Variants in TMEM196 observed in about 807,000 individuals in gnomAD.
TMEM196 encodes the protein transmembrane protein 196.
In TMEM196, 17 loss-of-function variants were observed where a neutral mutation model predicts 20.0. The observed-to-expected ratio is 0.85, with a 90% CI of 0.58 to 1.27. TMEM196 has a LOEUF of 1.27. Among genes scored for constraint, TMEM196 ranks in the 50% most tolerant of loss-of-function variants. TMEM196 has a pLI of 0.00. For synonymous variants in TMEM196, 113 were observed against 88.9 expected (o/e 1.27, Z -1.52); for missense variants, 267 against 223.0 (o/e 1.20, Z -1.26).
intron 1 of TMEM196, among the ~76,000 whole-genome samples, chr7:19,746,494 C>A (rs1398415546): frequency 1.3e-5 from 2 of 152,198 alleles, no homozygotes; most frequent in Non-Finnish European, 2.9e-5. Flanking sequence ...CTATGTAATT[C>A]ATCTTTGATA....
intron 1 of TMEM196, among the ~76,000 whole-genome samples, chr7:19,763,259 G>C (rs1392520229): frequency 6.6e-6 from 1 of 152,020 alleles, no homozygotes; most frequent in Non-Finnish European, 1.5e-5. Context: ...TGGATTTCTT[G>C]GGCAATGTGG....
intron 1 of TMEM196, among the ~76,000 whole-genome samples, chr7:19,733,930 T>C (rs1436669955): frequency 1.3e-5 from 2 of 152,150 alleles, no homozygotes; most frequent in Non-Finnish European, 2.9e-5. Context: ...AGCCCCACCT[T>C]CACTCACCAT....
chr7:19,762,100 A>C (rs1785458363), intron 1 of TMEM196, among the ~76,000 whole-genome samples: 1 of 152,194 alleles, frequency 6.6e-6, no homozygotes. Flanking sequence ...TGACAGAAAA[A>C]TCATAACCAA....
chr7:19,766,610 A>G (rs1245340512), intron 1 of TMEM196, among the ~76,000 whole-genome samples: 1 of 151,510 alleles, frequency 6.6e-6, no homozygotes, highest in Non-Finnish European at 1.5e-5. Flanking sequence ...TTAATGCAGT[A>G]GTGAAATGAA....
At chr7:19,762,278 A>C (rs879665208) in intron 1 of TMEM196, among the ~76,000 whole-genome samples, 1 of 152,076 alleles carries the variant, frequency 6.6e-6, no homozygotes, top group Admixed American at 6.6e-5. Context: ...TTTGGAGTTC[A>C]AATTTGTGTT....
chr7:19,732,026 C>T (rs530221811), intron 1 of TMEM196, among the ~76,000 whole-genome samples: 83 of 152,142 alleles, frequency 5.5e-4, no homozygotes, highest in African/African-American at 1.9e-3. Flanking sequence ...ATTTAGCCAC[C>T]ACAGTTTATA....
At chr7:19,724,815 A>G (rs1033235016) in intron 3 of TMEM196, among the ~76,000 whole-genome samples, 4 of 152,142 alleles carry the variant, frequency 2.6e-5, no homozygotes, top group African/African-American at 9.7e-5. Context: ...TCTCTTCTCT[A>G]CTAGATCCAG....
At chr7:19,731,255 C>T (rs1784191438) in intron 1 of TMEM196, among the ~76,000 whole-genome samples, 1 of 152,084 alleles carries the variant, frequency 6.6e-6, no homozygotes, top group African/African-American at 2.4e-5. Context: ...TATTATAAAA[C>T]CATGAGAAGA....
At chr7:19,756,806 C>G (rs1785236824) in intron 1 of TMEM196, among the ~76,000 whole-genome samples, 1 of 152,024 alleles carries the variant, frequency 6.6e-6, no homozygotes, top group South Asian at 2.1e-4. Flanking sequence ...GCATAGTATC[C>G]CAGGTATATA....
chr7:19,769,405 A>AT (rs923999388), intron 1 of TMEM196, among the ~76,000 whole-genome samples: 1 of 151,926 alleles, frequency 6.6e-6, no homozygotes, highest in Non-Finnish European at 1.5e-5. Context: ...GGCCCCAATC[A>AT]TTTTTTCTAT....
intron 1 of TMEM196, among the ~76,000 whole-genome samples, chr7:19,754,904 A>T (rs1339359906): frequency 6.6e-6 from 1 of 152,204 alleles, no homozygotes; most frequent in Non-Finnish European, 1.5e-5. Context: ...TTCGGTGTCT[A>T]CCATGATGAA....
chr7:19,762,297 CA>C (rs1339992354), intron 1 of TMEM196, among the ~76,000 whole-genome samples: 1 of 151,706 alleles, frequency 6.6e-6, no homozygotes, highest in Non-Finnish European at 1.5e-5. Context: ...TTATCTTAGT[CA>C]AATATAATGA....
At chr7:19,742,523 C>T (rs2128024319) in intron 1 of TMEM196, among the ~76,000 whole-genome samples, 1 of 152,202 alleles carries the variant, frequency 6.6e-6, no homozygotes, top group South Asian at 2.1e-4. Context: ...AGAGACATCG[C>T]TCCATTTGAC....
intron 4 of TMEM196, 33 bp from the exon 5 acceptor site, chr7:19,722,167 C>T (rs756720670): frequency 5.8e-5 from 92 of 1,580,084 alleles, no homozygotes; most frequent in Non-Finnish European, 7.2e-5. Flanking sequence ...AATTAAAATT[C>T]GCTTTTGGAG....
intron 3 of TMEM196, 72 bp downstream of exon 3, chr7:19,725,442 A>C: frequency 6.7e-7 from 1 of 1,490,972 alleles, no homozygotes; most frequent in Non-Finnish European, 9.0e-7. Flanking sequence ...TAAAGTTTCA[A>C]GTTGATTCAC....
At chr7:19,741,307 T>A (rs1336940540) in intron 1 of TMEM196, among the ~76,000 whole-genome samples, 2 of 152,194 alleles carry the variant, frequency 1.3e-5, no homozygotes, top group East Asian at 3.9e-4. Context: ...CTGACAAAGC[T>A]GTGCTGTTGA....
intron 1 of TMEM196, among the ~76,000 whole-genome samples, chr7:19,755,815 A>G (rs1168783385): frequency 6.6e-6 from 1 of 152,162 alleles, no homozygotes; most frequent in African/African-American, 2.4e-5. Flanking sequence ...GATCACTTGC[A>G]GCCAGTAGTT....
intron 1 of TMEM196, among the ~76,000 whole-genome samples, chr7:19,741,489 A>G (rs979205636): frequency 3.9e-5 from 6 of 152,184 alleles, no homozygotes; most frequent in African/African-American, 1.4e-4. Flanking sequence ...AAATCCAGTT[A>G]ATTTAAACAT....
At chr7:19,727,042 G>C (rs1018161325) in intron 2 of TMEM196, among the ~76,000 whole-genome samples, 6 of 152,000 alleles carry the variant, frequency 3.9e-5, no homozygotes, top group African/African-American at 1.4e-4. Flanking sequence ...TAATTCCCCA[G>C]GTCAAACAGC....
Sources: allele counts gnomAD v4.1 joint callset (sites outside exome capture counted in the v4.1 genomes callset), GRCh38; gene constraint gnomAD v4.1.1; transcripts MANE v1.5; gene names NCBI Gene and HGNC (gene_info 2026-07-23, HGNC 2026-07-21).